The following TJP2 variants were observed in gnomAD, a reference collection of about 807,000 sequenced individuals.
TJP2 encodes tight junction protein 2, also known as Friedreich ataxia region gene X104 (tight junction protein ZO-2).
In TJP2, 91 loss-of-function variants were observed where a neutral mutation model predicts 133.1. That is an observed-to-expected ratio of 0.68 (90% CI 0.58 to 0.81). The LOEUF (loss-of-function observed/expected upper bound fraction) is 0.81, where lower values mean the gene tolerates loss of function less well. Among genes scored for constraint, TJP2 ranks in the 40% least tolerant of loss-of-function variants. TJP2 has a pLI of 0.00. For missense variants in TJP2, 1,541 were observed against 1,565.6 expected, an observed-to-expected ratio of 0.98 and a Z score of 0.26; for synonymous variants, 592 against 583.4, an observed-to-expected ratio of 1.01 and a Z score of -0.21.
intron 1 of TJP2, among the ~76,000 whole-genome samples, chr9:69,136,433 T>C (rs1191295590): frequency 6.6e-6 from 1 of 152,180 alleles, no homozygotes; most frequent in African/African-American, 2.4e-5. Context: ...TATACTATAA[T>C]GACAATAACT....
chr9:69,215,398 T>TG (rs1554659008), intron 2 of TJP2, among the ~76,000 whole-genome samples: 4 of 151,612 alleles, frequency 2.6e-5, no homozygotes, highest in Admixed American at 2.0e-4. Flanking sequence ...TGGTTTTTTT[T>TG]TTTTGTTTTT....
intron 2 of TJP2, among the ~76,000 whole-genome samples, chr9:69,213,131 T>G (rs1009958982): frequency 2.0e-5 from 3 of 148,642 alleles, no homozygotes; most frequent in South Asian, 2.1e-4. Flanking sequence ...TGGTGCAATT[T>G]CGGCTCAGCG....
At chr9:69,161,124 C>A (rs963428187) in intron 2 of TJP2, among the ~76,000 whole-genome samples, 8 of 152,110 alleles carry the variant, frequency 5.3e-5, no homozygotes, top group Non-Finnish European at 1.0e-4. Context: ...GGGGCTTCAA[C>A]GGATGGGAAG....
chr9:69,166,552 G>A (rs1013375308), intron 2 of TJP2, among the ~76,000 whole-genome samples: 2 of 151,978 alleles, frequency 1.3e-5, no homozygotes, highest in African/African-American at 2.4e-5. Flanking sequence ...AGGCCAGCCT[G>A]TGCAACATAG....
In TJP2 at chr9:69,229,269, CTT is replaced by C. The variant is rs779417992; in HGVS notation, c.1520+21_1520+22del. 1.9e-6 allele frequency: 3 copies of C among 1,609,152 alleles called. No homozygotes were observed. The highest frequency in any genetic ancestry group is 2.6e-6 in the Non-Finnish European group (3 of 1,175,624). On this transcript the variant is annotated intron_variant, in intron 10 of 22. Coordinates refer to ENST00000377245, the MANE Select transcript of TJP2 (RefSeq NM_004817.4). Reference sequence around the variant, plus strand: ...TATATGGGTATGTATTTCCGTCTCTCTTTGTTTTCCCTTCTTCCTTACAGCTC... The same window carrying C: ...TATATGGGTATGTATTTCCGTCTCTCTGTTTTCCCTTCTTCCTTACAGCTC...
intron 1 of TJP2, among the ~76,000 whole-genome samples, chr9:69,129,110 C>T (rs1822378430): frequency 6.6e-6 from 1 of 152,182 alleles, no homozygotes; most frequent in Non-Finnish European, 1.5e-5. Context: ...TACTATTCTA[C>T]CTGCTGATTT....
chr9:69,235,972 C>A, intron 12 of TJP2, 56 bp from the exon 13 acceptor site: 1 of 1,506,724 alleles, frequency 6.6e-7, no homozygotes, highest in South Asian at 1.1e-5. Context: ...TGTTGAGTGT[C>A]TAGTACTGTA....
At chr9:69,165,073 G>A (rs980452004) in intron 2 of TJP2, among the ~76,000 whole-genome samples, 3 of 151,934 alleles carry the variant, frequency 2.0e-5, no homozygotes, top group Non-Finnish European at 4.4e-5. Flanking sequence ...CAAGTGTTCC[G>A]CCTGCCTTGG....
intron 1 of TJP2, among the ~76,000 whole-genome samples, chr9:69,140,937 C>T (rs1822992983): frequency 6.6e-6 from 1 of 152,208 alleles, no homozygotes. Context: ...ACCTCTGCCT[C>T]CCAAGTTCAA....
chr9:69,211,466 C>G (rs1334978748), intron 1 of TJP2, among the ~76,000 whole-genome samples: 2 of 152,226 alleles, frequency 1.3e-5, no homozygotes, highest in African/African-American at 4.8e-5. Flanking sequence ...ACCTCTCACT[C>G]ATGGTGATGT....
chr9:69,185,358 G>A (rs778111279), intron 1 of TJP2, among the ~76,000 whole-genome samples: 1 of 152,152 alleles, frequency 6.6e-6, no homozygotes, highest in Non-Finnish European at 1.5e-5. Context: ...CACCGTGTCC[G>A]ACCCAGACTG....
Position 69,254,756 on chromosome 9 carries a change from G to T in TJP2, c.*382G>T. On this transcript the variant is annotated 3_prime_UTR_variant, in exon 23 of 23. Coordinates refer to ENST00000377245, the MANE Select transcript of TJP2 (RefSeq NM_004817.4). Reference sequence around the variant, plus strand: ...GGACTGTTTCAGTGTGAGTCAGAATGTGAAAAAGGAATAAAAAATACTGTT... The same window carrying T: ...GGACTGTTTCAGTGTGAGTCAGAATTTGAAAAAGGAATAAAAAATACTGTT... The T allele has an allele frequency of 2.0e-6, 1 of 497,786 alleles. No homozygotes were observed. The highest frequency in any genetic ancestry group is 3.5e-6 in the Non-Finnish European group (1 of 284,336). The allele number at this position is 497,786 out of a possible 1,614,324, so 30.8% of individuals were successfully genotyped here.
At chr9:69,207,730 T>G (rs1037795412) in intron 1 of TJP2, among the ~76,000 whole-genome samples, 2 of 152,206 alleles carry the variant, frequency 1.3e-5, no homozygotes, top group East Asian at 1.9e-4. Context: ...GATCTGCGCA[T>G]AGCCAAGCAC....
In TJP2 at chr9:69,237,950, T is replaced by A; in HGVS notation, c.2252T>A (p.Leu751Ter). 1 of 1,613,650 alleles carries A rather than the reference T, an allele frequency of 6.2e-7. No individual in the cohort carries two copies. The highest frequency in any genetic ancestry group is 8.5e-7 in the Non-Finnish European group (1 of 1,179,592). ...DIAMEKLANE[L>*]PDWFQTAKTE... ...GCAATGGAAAAATTGGCTAATGAGT[T>A]ACCTGACTGGTTTCAAACTGCTAGT... Residue 751 changes from leucine (L) to a stop codon, truncating the protein, a stop_gained, in exon 15 of 23, where the codon TTA (leucine) becomes TAA (stop). Coordinates refer to ENST00000377245, the MANE Select transcript of TJP2 (RefSeq NM_004817.4). LOFTEE classifies it high-confidence loss of function.
chr9:69,169,049 A>C (rs1452180127), intron 2 of TJP2, among the ~76,000 whole-genome samples: 1 of 151,874 alleles, frequency 6.6e-6, no homozygotes, highest in Non-Finnish European at 1.5e-5. Flanking sequence ...GGGACGGGGG[A>C]GGACACAAGG....
Position 69,236,183 on chromosome 9 carries a change from C to T in TJP2, c.1936C>T (p.Leu646=), listed in dbSNP as rs1415188494. The change falls in exon 13 of 23, where the codon CTG becomes TTG. Residue 646 remains leucine, a synonymous_variant. Coordinates refer to ENST00000377245, the MANE Select transcript of TJP2 (RefSeq NM_004817.4). ...GTATGACGGCAAGCTGGGCAACTGG[C>T]TGGCTGTGAGGATTGGGAACGAGTT... ...TLYDGKLGNW[L]AVRIGNELEK... 1 of 1,614,022 alleles carries T rather than the reference C, an allele frequency of 6.2e-7. No individual in the cohort carries two copies. The highest frequency in any genetic ancestry group is 1.3e-5 in the African/African-American group (1 of 74,914).
chr9:69,247,066 A>C (rs1563958040), intron 18 of TJP2, among the ~76,000 whole-genome samples: 2 of 152,260 alleles, frequency 1.3e-5, no homozygotes, highest in Non-Finnish European at 2.9e-5. Context: ...ATCAGAGCTT[A>C]CAAGATCTCA....
At chr9:69,178,645 T>C (rs1385786873) in intron 1 of TJP2, among the ~76,000 whole-genome samples, 1 of 152,222 alleles carries the variant, frequency 6.6e-6, no homozygotes, top group Non-Finnish European at 1.5e-5. Flanking sequence ...CCTGCTCTTA[T>C]CCACTCAGAT....
intron 6 of TJP2, among the ~76,000 whole-genome samples, 161 bp downstream of exon 6, chr9:69,225,568 C>T (rs915493355): frequency 2.6e-5 from 4 of 152,152 alleles, no homozygotes; most frequent in African/African-American, 9.7e-5. Context: ...TCAGAAAAAC[C>T]AGACATTGAG....
Sources: allele counts gnomAD v4.1 joint callset (sites outside exome capture counted in the v4.1 genomes callset), GRCh38; gene constraint gnomAD v4.1.1; transcripts MANE v1.5; gene names NCBI Gene and HGNC (gene_info 2026-07-23, HGNC 2026-07-21).